ERP27: variants seen among roughly 807,000 people sequenced by gnomAD.
ERP27 encodes endoplasmic reticulum protein 27.
In ERP27, 23 loss-of-function variants were observed where a neutral mutation model predicts 27.7. The observed-to-expected ratio is 0.83, with a 90% CI of 0.60 to 1.18. The LOEUF is 1.18. ERP27 is among the 50% of genes most tolerant of loss of function. ERP27 has a pLI of 0.00. For synonymous variants in ERP27, 159 were observed against 118.3 expected, an observed-to-expected ratio of 1.34 and a Z score of -2.23; for missense variants, 363 against 327.9, an observed-to-expected ratio of 1.11 and a Z score of -0.83.
Position 14,915,507 on chromosome 12 carries a change from G to C in ERP27, c.756C>G (p.Phe252Leu). The change falls in exon 6 of 7, where the codon TTC becomes TTG. Residue 252 changes from phenylalanine to leucine, a missense_variant. Phe to Leu is a conservative substitution (Grantham distance 22, BLOSUM62 0). Coordinates refer to ENST00000266397, the MANE Select transcript of ERP27 (RefSeq NM_152321.4). Reference sequence around the variant, plus strand: ...CACTTACCAACAATTTTCCACTTAGGAATCCATCACAAAAGTTTTGCACAT... The same window carrying C: ...CACTTACCAACAATTTTCCACTTAGCAATCCATCACAAAAGTTTTGCACAT... ...VEHVQNFCDG[F>L]LSGKLLKENR... The C allele has an allele frequency of 1.2e-6, 2 of 1,614,004 alleles. No homozygotes were observed. Among genetic ancestry groups the C allele is most frequent in the Non-Finnish European group, 1.7e-6 (2 of 1,179,890 alleles).
intron 5 of ERP27, 75 bp from the exon 6 acceptor site, chr12:14,915,761 G>T: frequency 7.6e-7 from 1 of 1,318,726 alleles, no homozygotes; most frequent in Non-Finnish European, 1.1e-6. Context: ...CCTTGTAATT[G>T]TTGCAGCTCA....
At chr12:14,930,214 G>A (rs2120606488) in intron 3 of ERP27, among the ~76,000 whole-genome samples, 1 of 152,202 alleles carries the variant, frequency 6.6e-6, no homozygotes, top group Admixed American at 6.5e-5. Context: ...AATAAAAAAT[G>A]TTTTATAATC....
At chr12:14,920,458 T>C (rs887372360) in intron 4 of ERP27, among the ~76,000 whole-genome samples, 2 of 152,228 alleles carry the variant, frequency 1.3e-5, no homozygotes, top group Non-Finnish European at 1.5e-5. Flanking sequence ...ATGTGATCAG[T>C]GAGCTTCATT....
At chr12:14,928,608 A>G (rs544133228) in intron 3 of ERP27, among the ~76,000 whole-genome samples, 1 of 152,374 alleles carries the variant, frequency 6.6e-6, no homozygotes, top group African/African-American at 2.4e-5. Context: ...ACTGCTTTAT[A>G]CAATTTAAAT....
intron 3 of ERP27, among the ~76,000 whole-genome samples, chr12:14,928,326 A>T (rs923624542): frequency 1.3e-5 from 2 of 152,210 alleles, no homozygotes; most frequent in Admixed American, 6.5e-5. Context: ...AAACAGCAAG[A>T]ATCTAAGATT....
intron 3 of ERP27, among the ~76,000 whole-genome samples, chr12:14,922,804 G>A (rs114489303): frequency 0.028 from 4,266 of 152,196 alleles, 194 homozygotes; most frequent in African/African-American, 0.097. Context: ...GGCCAGGTGC[G>A]GTGGCTCACG....
At chr12:14,925,052 C>A (rs895904874) in intron 3 of ERP27, among the ~76,000 whole-genome samples, 7 of 152,158 alleles carry the variant, frequency 4.6e-5, no homozygotes, top group Non-Finnish European at 8.8e-5. Flanking sequence ...CAAGAAATAA[C>A]CAAAAAAATG....
At chr12:14,919,123 G>C (rs1047708269) in intron 4 of ERP27, among the ~76,000 whole-genome samples, 1 of 152,094 alleles carries the variant, frequency 6.6e-6, no homozygotes, top group Non-Finnish European at 1.5e-5. Context: ...AGTTGCTACT[G>C]GTGCAAACCT....
At position 14,920,938 on chromosome 12, in the gene ERP27, G is replaced by A. The variant is rs1251812032; in HGVS notation, c.444C>T (p.Asn148=). The change falls in exon 4 of 7, where the codon AAC becomes AAT. Residue 148 remains asparagine (N), a synonymous_variant. Coordinates refer to ENST00000266397, the MANE Select transcript of ERP27 (RefSeq NM_152321.4). ...INSLHMVTEY[N]PVTVIGLFNS... is the part of the protein sequence containing the mutation. ...AACAGGAAGTATTGTTTACCACAGGGTTGTACTCTGTCACCATGTGGAGGC... is the reference window on the plus strand; with the variant it reads ...AACAGGAAGTATTGTTTACCACAGGATTGTACTCTGTCACCATGTGGAGGC... 1.1e-5 allele frequency: 17 copies of A among 1,613,486 alleles called. No individual in the cohort carries two copies. The highest frequency in any genetic ancestry group is 1.4e-5 in the Non-Finnish European group (16 of 1,179,562).
Position 14,938,518 on chromosome 12 carries a change from C to T in ERP27, c.-10G>A. 1 of 1,597,904 alleles carries T rather than the reference C, an allele frequency of 6.3e-7. No homozygotes were observed. Among genetic ancestry groups the T allele is most frequent in the South Asian group, 1.1e-5 (1 of 89,642 alleles). On this transcript the variant is annotated 5_prime_UTR_variant, in exon 1 of 7. Coordinates refer to ENST00000266397, the MANE Select transcript of ERP27 (RefSeq NM_152321.4). ...ACGGGGCAGCTTCCATTGTCCCTCT[C>T]CTGCTCCTGCTCCAACCCTGGACTT... is the stretch of plus-strand genomic sequence containing the variant.
rs1863396374 is a variant in ERP27 at position 14,915,571 on chromosome 12, T to A, written c.692A>T (p.Glu231Val). ...ALAIYQTLDD[E>V]WDTLPTAEVS... ...TTCTGCTGTGGGCAGTGTATCCCAC[T>A]CGTCATCTAGAGTCTGGTAAATTGC... Residue 231 changes from glutamate to valine, a missense_variant, in exon 6 of 7, where the codon GAG becomes GTG. Glu to Val is a moderately radical substitution (Grantham distance 121). Transcript: ENST00000266397. 6.2e-7 allele frequency: 1 copy of A among 1,614,128 alleles called. No individual in the cohort carries two copies.
In ERP27 at chr12:14,914,724, C is replaced by G; in HGVS notation, c.*11G>C. 1 of 1,612,444 alleles carries G rather than the reference C, an allele frequency of 6.2e-7. No individual in the cohort carries two copies. Among genetic ancestry groups the G allele is most frequent in the South Asian group, 1.1e-5 (1 of 90,758 alleles). Reference sequence around the variant, plus strand: ...AGTAGATACTTGGCCATATGTAGTTCCAAGGAGAAGTCAGAGTTCCACCTT... The same window carrying G: ...AGTAGATACTTGGCCATATGTAGTTGCAAGGAGAAGTCAGAGTTCCACCTT... On this transcript the variant is annotated 3_prime_UTR_variant, in exon 7 of 7. Coordinates refer to ENST00000266397, the MANE Select transcript of ERP27 (RefSeq NM_152321.4).
In ERP27 at chr12:14,938,436, C is replaced by T; in HGVS notation, c.73G>A (p.Ala25Thr). ...TTACCTGAGGATTTCTCAACTTCTG[C>T]AGCAACTTCTGCAGCCAGCTCACAC... ...LTCELAAEVA[A>T]EVEKSSDGPG... The change falls in exon 1 of 7, where the codon GCA becomes ACA. Residue 25 changes from alanine to threonine, a missense_variant. Physicochemically the swap from Ala to Thr is moderately conservative, Grantham distance 58. Coordinates refer to ENST00000266397, the MANE Select transcript of ERP27 (RefSeq NM_152321.4). 6.2e-7 allele frequency: 1 copy of T among 1,614,134 alleles called. No individual in the cohort carries two copies. Among genetic ancestry groups the T allele is most frequent in the Non-Finnish European group, 8.5e-7 (1 of 1,179,990 alleles).
chr12:14,914,800 A>C lies in ERP27; in HGVS notation c.775-18T>G. ...TTTTCTTTCTGGAAAACATTATAAC[A>C]ATGATATTTAGATTAGTAAACTGAG... On this transcript the variant is annotated intron_variant, in intron 6 of 6. Coordinates refer to ENST00000266397, the MANE Select transcript of ERP27 (RefSeq NM_152321.4). 1 of 1,604,438 alleles carries C rather than the reference A, an allele frequency of 6.2e-7. No homozygotes were observed. Among genetic ancestry groups the C allele is most frequent in the African/African-American group, 1.3e-5 (1 of 74,836 alleles).
At chr12:14,933,218 G>A (rs746055235) in intron 3 of ERP27, among the ~76,000 whole-genome samples, 17 of 152,238 alleles carry the variant, frequency 1.1e-4, no homozygotes, top group Non-Finnish European at 2.1e-4. Context: ...CATAGCATGG[G>A]TTCCATGACC....
intron 2 of ERP27, among the ~76,000 whole-genome samples, 168 bp downstream of exon 2, chr12:14,937,784 T>C (rs2120635531): frequency 6.6e-6 from 1 of 152,332 alleles, no homozygotes; most frequent in Non-Finnish European, 1.5e-5. Context: ...ACTGGGAATG[T>C]CTTGAAAATA....
rs748358549 is a variant in ERP27 at position 14,915,534 on chromosome 12, C to G, written c.729G>C (p.Glu243Asp). 6.2e-7 allele frequency: 1 copy of G among 1,614,124 alleles called. No homozygotes were observed. The highest frequency in any genetic ancestry group is 8.5e-7 in the Non-Finnish European group (1 of 1,180,040). Residue 243 changes from glutamate to aspartate, a missense_variant, in exon 6 of 7, where the codon GAG becomes GAC. Glu to Asp is a conservative substitution (Grantham distance 45). Coordinates refer to ENST00000266397, the MANE Select transcript of ERP27 (RefSeq NM_152321.4). ...DTLPTAEVSV[E>D]HVQNFCDGFL... Reference sequence around the variant, plus strand: ...ATCCATCACAAAAGTTTTGCACATGCTCTACGGAAACTTCTGCTGTGGGCA... The same window carrying G: ...ATCCATCACAAAAGTTTTGCACATGGTCTACGGAAACTTCTGCTGTGGGCA...
chr12:14,935,685 C>T (rs1013277675), intron 2 of ERP27, among the ~76,000 whole-genome samples: 2 of 152,144 alleles, frequency 1.3e-5, no homozygotes, highest in African/African-American at 2.4e-5. Flanking sequence ...TCACCCTGCC[C>T]TTAACATACA....
intron 3 of ERP27, among the ~76,000 whole-genome samples, chr12:14,923,807 C>G (rs921301923): frequency 1.3e-5 from 2 of 152,056 alleles, no homozygotes; most frequent in Admixed American, 1.3e-4. Flanking sequence ...ATAATCAAAT[C>G]ATAGTATTTA....
Sources: allele counts gnomAD v4.1 joint callset (sites outside exome capture counted in the v4.1 genomes callset), GRCh38; gene constraint gnomAD v4.1.1; transcripts MANE v1.5; gene names NCBI Gene and HGNC (gene_info 2026-07-23, HGNC 2026-07-21).